BCR: variants seen among roughly 807,000 people sequenced by gnomAD.
BCR encodes the protein BCR activator of RhoGEF and GTPase.
BCR carries 58 observed loss-of-function variants against 138.6 expected under a neutral mutation model. That is an observed-to-expected ratio of 0.42 (90% confidence interval 0.34 to 0.52). BCR has a LOEUF of 0.52. Ranked by LOEUF, BCR falls within the 20% of genes least tolerant of loss-of-function variation. The pLI, the probability that BCR is intolerant of heterozygous loss-of-function variation, is 0.06. For missense variants in BCR, 1,599 were observed against 1,727.2 expected (o/e 0.93, Z 1.32); for synonymous variants, 786 against 730.1 (o/e 1.08, Z -1.23).
intron 20 of BCR, 56 bp from the exon 21 acceptor site, chr22:23,313,912 C>T (rs2074035720): frequency 1.2e-5 from 17 of 1,423,512 alleles, no homozygotes; most frequent in Non-Finnish European, 1.7e-5. Flanking sequence ...GTGAACACCT[C>T]GGGAGAGGTC....
At position 23,305,879 on chromosome 22, in the gene BCR, G is replaced by A. The variant is rs1391601075; in HGVS notation, c.3013-3545G>A. 3.9e-5 allele frequency among the ~76,000 whole-genome samples: 6 copies of A among 152,174 alleles called. No individual in the cohort carries two copies. In the South Asian group the frequency reaches 8.3e-4, roughly 21 times the overall value. On this transcript the variant is annotated intron_variant, in intron 16 of 22. Transcript: ENST00000305877. ...CCCTGGACAGCATCCGGAGTGCCTC[G>A]GTTTTTCCCTTAAGGGAAAACTGTT...
intron 1 of BCR, among the ~76,000 whole-genome samples, chr22:23,241,215 G>A (rs745594468): frequency 6.6e-6 from 1 of 152,208 alleles, no homozygotes; most frequent in Non-Finnish European, 1.5e-5. Context: ...CCGAGATGGG[G>A]GAAGAAGGTG....
chr22:23,192,893 C>T (rs1353134429), intron 1 of BCR, among the ~76,000 whole-genome samples: 1 of 152,026 alleles, frequency 6.6e-6, no homozygotes, highest in Non-Finnish European at 1.5e-5. Flanking sequence ...GGTGCAGGGC[C>T]CAGAGAGCCA....
chr22:23,287,012 G>A (rs1450538086), intron 10 of BCR, 147 bp from the exon 11 acceptor site: 5 of 1,385,834 alleles, frequency 3.6e-6, no homozygotes, highest in Non-Finnish European at 4.8e-6. Context: ...AGCAACTGCG[G>A]TCTGGGGCCC....
chr22:23,202,427 A>G (rs1602009341), intron 1 of BCR, among the ~76,000 whole-genome samples: 1 of 152,258 alleles, frequency 6.6e-6, no homozygotes, highest in East Asian at 1.9e-4. Flanking sequence ...TATTCCTGTC[A>G]TGCACCCATC....
intron 1 of BCR, among the ~76,000 whole-genome samples, chr22:23,222,573 G>C (rs1300299502): frequency 6.6e-6 from 1 of 152,180 alleles, no homozygotes; most frequent in Non-Finnish European, 1.5e-5. Flanking sequence ...GGTGGGATGT[G>C]GCAAAGGGCG....
chr22:23,314,564 G>A lies in BCR; in HGVS notation c.3576G>A (p.Lys1192=), dbSNP rs1347836486. The A allele has an allele frequency of 6.2e-7, 1 of 1,611,884 alleles. No individual in the cohort carries two copies. The highest frequency in any genetic ancestry group is 1.3e-5 in the African/African-American group (1 of 74,860). The stretch of plus-strand genomic sequence containing the variant: ...TGGTCCTCTACAGGGTGGCAGAGAA[G>A]GAGGCAGTCAATAAGATGTCCCTGC... ...LLDHLKRVAE[K]EAVNKMSLHN... is the part of the protein sequence containing the mutation. Residue 1192 remains lysine, a synonymous_variant, in exon 22 of 23, where the codon AAG becomes AAA. Transcript: ENST00000305877.
intron 1 of BCR, among the ~76,000 whole-genome samples, chr22:23,188,971 A>G (rs2072381529): frequency 6.6e-6 from 1 of 152,040 alleles, no homozygotes; most frequent in Non-Finnish European, 1.5e-5. Context: ...GGTTCAAGCG[A>G]TTCTTCTGCC....
intron 22 of BCR, 128 bp downstream of exon 22, chr22:23,314,842 G>T (rs2074050738): frequency 1.6e-6 from 2 of 1,249,732 alleles, no homozygotes; most frequent in Admixed American, 3.9e-5. Context: ...TCACAGAGAG[G>T]GACTTGCCTA....
intron 1 of BCR, 135 bp from the exon 2 acceptor site, chr22:23,253,664 C>T (rs1370789498): frequency 7.3e-5 from 72 of 982,214 alleles, no homozygotes; most frequent in South Asian, 1.5e-4. Context: ...GTGAAGGGGA[C>T]GTCAGCATAC....
intron 1 of BCR, among the ~76,000 whole-genome samples, chr22:23,194,799 G>A (rs865855726): frequency 2.0e-5 from 3 of 152,170 alleles, no homozygotes; most frequent in Middle Eastern, 3.4e-3. Context: ...AAGTGAGCTG[G>A]GCATGGTGGC....
intron 16 of BCR, among the ~76,000 whole-genome samples, chr22:23,309,190 A>G (rs1378424040): frequency 1.4e-5 from 2 of 146,494 alleles, no homozygotes; most frequent in African/African-American, 2.5e-5. Flanking sequence ...CAGAGGGAGG[A>G]GGGGGTGGGG....
At position 23,261,343 on chromosome 22, in the gene BCR, G is replaced by T; in HGVS notation, c.1567-12G>T. 3 of 1,608,124 alleles carry T rather than the reference G, an allele frequency of 1.9e-6. No individual in the cohort carries two copies. The highest frequency in any genetic ancestry group is 2.5e-6 in the Non-Finnish European group (3 of 1,176,486). On this transcript the variant is annotated splice_polypyrimidine_tract_variant and intron_variant, in intron 3 of 22. Transcript: ENST00000305877. ...CTCTCACCTGTGCTACCTCACTTGT[G>T]CCCTCTTCCAGCCCATGAAGCCTTT...
intron 1 of BCR, among the ~76,000 whole-genome samples, chr22:23,192,673 T>G (rs2072430309): frequency 6.6e-6 from 1 of 152,170 alleles, no homozygotes; most frequent in Non-Finnish European, 1.5e-5. Flanking sequence ...TCCAGCAAGT[T>G]GTGTGGCAAG....
At chr22:23,298,225 C>T (rs536482941) in intron 16 of BCR, among the ~76,000 whole-genome samples, 19 of 152,094 alleles carry the variant, frequency 1.2e-4, no homozygotes, top group Non-Finnish European at 2.6e-4. Context: ...GAAACCGACC[C>T]GACAGGATTC....
intron 8 of BCR, among the ~76,000 whole-genome samples, chr22:23,282,114 C>G (rs1262749672): frequency 6.6e-6 from 1 of 152,250 alleles, no homozygotes; most frequent in Admixed American, 6.5e-5. Context: ...CCGGGAGGCC[C>G]TTTGCTGTGT....
At chr22:23,305,354 T>A (rs945114252) in intron 16 of BCR, among the ~76,000 whole-genome samples, 46 of 152,166 alleles carry the variant, frequency 3.0e-4, no homozygotes, top group African/African-American at 1.1e-3. Flanking sequence ...AGCTGTTGTC[T>A]ACAAGGAGCT....
At chr22:23,206,111 A>G (rs1323672969) in intron 1 of BCR, among the ~76,000 whole-genome samples, 2 of 152,126 alleles carry the variant, frequency 1.3e-5, no homozygotes, top group Non-Finnish European at 2.9e-5. Context: ...TTGGTTTCTA[A>G]CTTCCCTTTC....
Position 23,260,863 on chromosome 22 carries a change from C to G in BCR, c.1462-87C>G, listed in dbSNP as rs75267590. ...GGGCAGGGGTTTGTCCAGAGGTCAACAAGCTGGCCCTCCTCTCTCAGAGGG... is the reference window on the plus strand; with the variant it reads ...GGGCAGGGGTTTGTCCAGAGGTCAAGAAGCTGGCCCTCCTCTCTCAGAGGG... On this transcript the variant is annotated intron_variant, in intron 2 of 22. Transcript: ENST00000305877. 257 of 1,287,068 alleles carry G rather than the reference C, an allele frequency of 2.0e-4. 4 individuals carry two copies. In the East Asian group the frequency reaches 5.1e-3, roughly 25 times the overall value. 79.7% of individuals were successfully genotyped at this position (1,287,068 alleles called of 1,614,324 possible).
Sources: allele counts gnomAD v4.1 joint callset (sites outside exome capture counted in the v4.1 genomes callset), GRCh38; gene constraint gnomAD v4.1.1; transcripts MANE v1.5; gene names NCBI Gene and HGNC (gene_info 2026-07-23, HGNC 2026-07-21).